Variants in SETBP1 observed in about 807,000 individuals in gnomAD.
The protein encoded by SETBP1 is SET-binding protein.
Under a neutral mutation model 101.0 loss-of-function variants are expected in SETBP1, and 9 were observed. The ratio of observed to expected loss-of-function variants is 0.09; its 90% CI spans 0.05 to 0.16. The LOEUF (loss-of-function observed/expected upper bound fraction) is 0.16, where lower values mean the gene tolerates loss of function less well. Ranked by LOEUF, SETBP1 falls within the 10% of genes least tolerant of loss-of-function variation. SETBP1 has a pLI of 1.00. For missense variants in SETBP1, 1,858 were observed against 2,033.8 expected, an observed-to-expected ratio of 0.91 and a Z score of 1.66; for synonymous variants, 818 against 788.5, an observed-to-expected ratio of 1.04 and a Z score of -0.63.
At chr18:44,801,691 A>G (rs2071611027) in intron 2 of SETBP1, among the ~76,000 whole-genome samples, 1 of 152,130 alleles carries the variant, frequency 6.6e-6, no homozygotes, top group Non-Finnish European at 1.5e-5. Flanking sequence ...TTAATTTGAA[A>G]ACAAATATTA....
At chr18:44,833,416 A>T (rs1162512141) in intron 2 of SETBP1, among the ~76,000 whole-genome samples, 1 of 152,134 alleles carries the variant, frequency 6.6e-6, no homozygotes, top group African/African-American at 2.4e-5. Flanking sequence ...TGGAAGAATG[A>T]GGAGAGTCCC....
intron 1 of SETBP1, among the ~76,000 whole-genome samples, chr18:44,689,339 AC>A (rs2068890228): frequency 6.6e-6 from 1 of 152,132 alleles, no homozygotes; most frequent in Non-Finnish European, 1.5e-5. Context: ...AGGGGCAGAC[AC>A]CCCCATAGCA....
intron 3 of SETBP1, among the ~76,000 whole-genome samples, chr18:44,939,740 A>G (rs1261485805): frequency 6.6e-6 from 1 of 152,180 alleles, no homozygotes; most frequent in Non-Finnish European, 1.5e-5. Context: ...CTTTCATTTT[A>G]GCCATCCCAG....
chr18:45,030,869 AT>A (rs1296219583), intron 4 of SETBP1, among the ~76,000 whole-genome samples: 1 of 151,860 alleles, frequency 6.6e-6, no homozygotes, highest in Non-Finnish European at 1.5e-5. Flanking sequence ...CCCCTTTATC[AT>A]TTTTTATTGC....
intron 1 of SETBP1, among the ~76,000 whole-genome samples, chr18:44,695,306 C>A (rs934230805): frequency 6.6e-6 from 1 of 152,162 alleles, no homozygotes; most frequent in Non-Finnish European, 1.5e-5. Flanking sequence ...AAAGAACCTG[C>A]ATCTACAGAT....
intron 5 of SETBP1, among the ~76,000 whole-genome samples, chr18:45,040,452 T>C (rs538626544): frequency 6.6e-6 from 1 of 152,290 alleles, no homozygotes; most frequent in African/African-American, 2.4e-5. Context: ...ATTTGGGCTA[T>C]TGTCTGCACC....
rs569263149 is a variant in SETBP1 at position 44,833,212 on chromosome 18, G to A, written c.487-36018G>A. Among the ~76,000 whole-genome samples the A allele has an allele frequency of 2.6e-5, 4 of 152,320 alleles. No individual in the cohort carries two copies. The South Asian group carries it at 6.2e-4, about 24-fold the overall frequency. On this transcript the variant is annotated intron_variant, in intron 2 of 5. Coordinates refer to ENST00000649279, the MANE Select transcript of SETBP1 (RefSeq NM_015559.3). ...CACCTGGGATCTTCTGATTTATGCT[G>A]GAGGTGGGGCTCAGCCCTCCAGGTA...
chr18:44,870,211 A>C (rs1042125770), intron 3 of SETBP1: 26 of 152,248 alleles, frequency 1.7e-4, no homozygotes, highest in African/African-American at 5.1e-4. Flanking sequence ...GTATTTGGGC[A>C]CGTTTTCTTC....
intron 4 of SETBP1, among the ~76,000 whole-genome samples, chr18:45,030,143 G>T (rs2073260257): frequency 6.7e-6 from 1 of 148,704 alleles, no homozygotes; most frequent in South Asian, 2.2e-4. Context: ...TATTGGCTGT[G>T]GGTTTGTCAT....
At position 44,958,407 on chromosome 18, in the gene SETBP1, A is replaced by G. The variant is rs137858668; in HGVS notation, c.4000+5067A>G. Among the ~76,000 whole-genome samples, 37 of 152,332 alleles carry G rather than the reference A, an allele frequency of 2.4e-4. No homozygotes were observed. The East Asian group carries it at 6.0e-3, about 25-fold the overall frequency. On this transcript the variant is annotated intron_variant, in intron 4 of 5. Coordinates refer to ENST00000649279, the MANE Select transcript of SETBP1 (RefSeq NM_015559.3). ...TGCTTGAGTCCCACTGGCTGAAAAC[A>G]TAGTCACTATCTGAGACACAAATAG...
intron 4 of SETBP1, among the ~76,000 whole-genome samples, chr18:44,990,936 A>AC (rs1432996199): frequency 6.6e-6 from 1 of 150,752 alleles, no homozygotes; most frequent in Non-Finnish European, 1.5e-5. Flanking sequence ...AGAAAAAAAA[A>AC]AAAAAAAAAA....
At chr18:44,912,823 T>C (rs1458157327) in intron 3 of SETBP1, among the ~76,000 whole-genome samples, 2 of 152,210 alleles carry the variant, frequency 1.3e-5, no homozygotes, top group Admixed American at 6.5e-5. Context: ...TTTTCTGCTC[T>C]CTCCCTTCCT....
chr18:44,789,947 A>G (rs1010227923), intron 2 of SETBP1, among the ~76,000 whole-genome samples: 2 of 152,206 alleles, frequency 1.3e-5, no homozygotes, highest in Non-Finnish European at 2.9e-5. Flanking sequence ...TTGTGTGACA[A>G]GCTGTGTGAT....
At chr18:44,983,814 A>G (rs1468458026) in intron 4 of SETBP1, among the ~76,000 whole-genome samples, 1 of 152,198 alleles carries the variant, frequency 6.6e-6, no homozygotes, top group Non-Finnish European at 1.5e-5. Context: ...GCTGTCTGTC[A>G]TTGAACAAGT....
At chr18:45,032,643 A>G (rs1166534157) in intron 4 of SETBP1, among the ~76,000 whole-genome samples, 2 of 152,178 alleles carry the variant, frequency 1.3e-5, no homozygotes, top group Non-Finnish European at 2.9e-5. Context: ...TGGGAGGAGA[A>G]TGGGGATAAA....
intron 2 of SETBP1, among the ~76,000 whole-genome samples, chr18:44,806,193 G>A (rs2071729944): frequency 6.6e-6 from 1 of 152,116 alleles, no homozygotes; most frequent in South Asian, 2.1e-4. Flanking sequence ...ATCTACCTAG[G>A]AGAAAGTAGA....
chr18:44,797,421 G>A (rs1453300772), intron 2 of SETBP1, among the ~76,000 whole-genome samples: 1 of 152,180 alleles, frequency 6.6e-6, no homozygotes, highest in Non-Finnish European at 1.5e-5. Context: ...TGAATGTCAT[G>A]TATTTTGCAT....
At chr18:44,747,533 A>G (rs2070283197) in intron 2 of SETBP1, among the ~76,000 whole-genome samples, 2 of 152,384 alleles carry the variant, frequency 1.3e-5, no homozygotes, top group Admixed American at 6.5e-5. Context: ...TGGCCTCCCA[A>G]TCCAGAGCTT....
At chr18:44,837,972 C>T (rs925796720) in intron 2 of SETBP1, among the ~76,000 whole-genome samples, 2 of 152,160 alleles carry the variant, frequency 1.3e-5, no homozygotes, top group African/African-American at 2.4e-5. Context: ...ACTGGGTGGG[C>T]CATGTTTCCA....
Sources: gnomAD v4.1 joint callset for allele counts (sites outside exome capture counted in the v4.1 genomes callset) on GRCh38, gnomAD v4.1.1 for gene constraint, MANE v1.5 for transcripts, NCBI Gene and HGNC (gene_info 2026-07-23, HGNC 2026-07-21) for gene names.